Variants in SPTB observed in about 807,000 individuals in gnomAD.
SPTB encodes spectrin beta, erythrocytic.
SPTB carries 45 observed loss-of-function variants against 256.2 expected under a neutral mutation model. That is an observed-to-expected ratio of 0.18 (90% CI 0.14 to 0.23). The LOEUF is 0.23. Ranked by LOEUF, SPTB falls within the 10% of genes least tolerant of loss-of-function variation. The probability of loss-of-function intolerance (pLI) is 1.00; values close to 1 mark genes in which losing one functional copy is unlikely to be tolerated. For missense variants in SPTB, 2,715 were observed against 3,040.4 expected (o/e 0.89, Z 2.52); for synonymous variants, 1,231 against 1,243.1 (o/e 0.99, Z 0.21).
Position 64,793,653 on chromosome 14 carries a change from G to T in SPTB, c.2010C>A (p.Thr670=). Residue 670 remains threonine, a synonymous_variant, in exon 14 of 36, where the codon ACC becomes ACA. Coordinates refer to ENST00000644917, the MANE Select transcript of SPTB (RefSeq NM_001355436.2). This position sits in a 1 kb window ranked among gnomAD's most constrained non-coding sequence, Gnocchi z 7.0. The part of the protein sequence containing the change: ...YSSLDYGKDL[T]SVLILQRKHK... Reference sequence around the variant, plus strand: ...GCTTGCGCTGTAAGATGAGCACACTGGTCAGGTCTTTGCCATAGTCCAGGG... The same window carrying T: ...GCTTGCGCTGTAAGATGAGCACACTTGTCAGGTCTTTGCCATAGTCCAGGG... The T allele has an allele frequency of 6.2e-7, 1 of 1,614,190 alleles. No individual in the cohort carries two copies. The highest frequency in any genetic ancestry group is 1.1e-5 in the South Asian group (1 of 91,088).
At chr14:64,821,544 A>G (rs751172432) in intron 2 of SPTB, among the ~76,000 whole-genome samples, 1 of 151,990 alleles carries the variant, frequency 6.6e-6, no homozygotes, top group Non-Finnish European at 1.5e-5. Flanking sequence ...AGATCCAGCC[A>G]GCACAGAGAT....
At chr14:64,857,577 CAAAAAAA>C (rs34021718) in intron 1 of SPTB, among the ~76,000 whole-genome samples, 41 of 61,364 alleles carry the variant, frequency 6.7e-4, no homozygotes, top group African/African-American at 2.4e-3. Context: ...GACACTGCCT[CAAAAAAA>C]AAAAAAAAAA....
chr14:64,828,847 G>A (rs1157973702), intron 1 of SPTB, among the ~76,000 whole-genome samples: 1 of 152,204 alleles, frequency 6.6e-6, no homozygotes, highest in Non-Finnish European at 1.5e-5. Flanking sequence ...CAGGAGGTAG[G>A]TAGAGGTCTC....
Position 64,787,024 on chromosome 14 carries a change from T to C in SPTB, c.2941A>G (p.Lys981Glu). 2 of 1,614,126 alleles carry C rather than the reference T, an allele frequency of 1.2e-6. No individual in the cohort carries two copies. The highest frequency in any genetic ancestry group is 1.3e-5 in the African/African-American group (1 of 75,036). Reference protein sequence around the residue: ...TDKTKVVESTKDLGRDLAGII... With the variant: ...TDKTKVVESTEDLGRDLAGII... ...CCTGCCAGGTCCCGCCCCAGGTCTTTTGTGGACTCCACTACCTTTGTCTTG... is the reference window on the plus strand; with the variant it reads ...CCTGCCAGGTCCCGCCCCAGGTCTTCTGTGGACTCCACTACCTTTGTCTTG... Residue 981 changes from lysine to glutamate, a missense_variant, in exon 16 of 36, where the codon AAA (lysine) becomes GAA (glutamate). Around this residue, in one of 4 missense-constraint regions of SPTB, gnomAD observed 2,239 missense variants for 2,384.4 expected, o/e 0.94. Coordinates refer to ENST00000644917, the MANE Select transcript of SPTB (RefSeq NM_001355436.2).
rs2083393888 is a variant in SPTB, at chr14:64,827,601, C to T, written c.-51-4456G>A. ...CAAAAAAGGAACATCCTTCCTCTCC[C>T]TCTGATCATAATCGCATTGCACATT... On this transcript the variant is annotated intron_variant, in intron 1 of 35. Coordinates refer to ENST00000644917, the MANE Select transcript of SPTB (RefSeq NM_001355436.2). This position sits in a 1 kb window ranked among gnomAD's most constrained non-coding sequence, Gnocchi z 4.6. Among the ~76,000 whole-genome samples, 1 of 152,182 alleles carries T rather than the reference C, an allele frequency of 6.6e-6. No individual in the cohort carries two copies. The highest frequency in any genetic ancestry group is 6.5e-5 in the Admixed American group (1 of 15,276).
intron 1 of SPTB, among the ~76,000 whole-genome samples, chr14:64,830,092 T>C (rs954073879): frequency 1.3e-5 from 2 of 152,148 alleles, no homozygotes; most frequent in Non-Finnish European, 2.9e-5. Context: ...TTAGCCTCAG[T>C]CTTTTTGACA....
intron 32 of SPTB, among the ~76,000 whole-genome samples, chr14:64,765,747 C>A (rs1010017689): frequency 6.6e-6 from 1 of 151,846 alleles, no homozygotes; most frequent in African/African-American, 2.4e-5. Context: ...GGCACCCCCA[C>A]TTCACCACTG....
At chr14:64,837,995 G>A (rs1022106029) in intron 1 of SPTB, among the ~76,000 whole-genome samples, 2 of 152,186 alleles carry the variant, frequency 1.3e-5, no homozygotes, top group Non-Finnish European at 2.9e-5. Flanking sequence ...CAAAACTGGA[G>A]GACTTACATT....
At chr14:64,765,945 TGA>T (rs1175963084) in intron 32 of SPTB, among the ~76,000 whole-genome samples, 6 of 148,892 alleles carry the variant, frequency 4.0e-5, no homozygotes, top group South Asian at 2.1e-4. Flanking sequence ...TGTGTGGGTG[TGA>T]GTGTGTGGAT....
chr14:64,861,514 C>G lies in SPTB; in HGVS notation c.-52+18278G>C, dbSNP rs112371289. On this transcript the variant is annotated intron_variant, in intron 1 of 35. Transcript: ENST00000644917. ...GTGGCTGCACTGACCGGCTCCCCCA[C>G]CCACTTGATGCTTTCCAGCCTCCCA... Among the ~76,000 whole-genome samples, 179 of 151,990 alleles carry G rather than the reference C, an allele frequency of 1.2e-3. 1 individual carries two copies. The highest frequency in any genetic ancestry group is 4.2e-3 in the African/African-American group (175 of 41,548).
chr14:64,801,169 C>T, intron 7 of SPTB, 116 bp downstream of exon 7: 2 of 863,166 alleles, frequency 2.3e-6, no homozygotes, highest in Non-Finnish European at 3.7e-6. Context: ...ACTGTGCCCA[C>T]AGCTTGCCCA....
intron 18 of SPTB, among the ~76,000 whole-genome samples, chr14:64,784,837 C>A (rs1350408765): frequency 6.6e-6 from 1 of 152,156 alleles, no homozygotes; most frequent in African/African-American, 2.4e-5. Context: ...GTTGTCTGGG[C>A]TGAGAGAAAA....
At chr14:64,794,352 G>A in intron 13 of SPTB, 115 bp downstream of exon 13, 3 of 1,385,786 alleles carry the variant, frequency 2.2e-6, no homozygotes, top group Non-Finnish European at 3.0e-6. Flanking sequence ...ATTACTTGAT[G>A]AAAGTAACAG....
rs2082081534 is a variant in SPTB at position 64,760,753 on chromosome 14, C to T, written c.6345+5973G>A. On this transcript the variant is annotated intron_variant, in intron 32 of 35. Coordinates refer to ENST00000644917, the MANE Select transcript of SPTB (RefSeq NM_001355436.2). The surrounding 1 kb of genome is among the most constrained non-coding windows in gnomAD (Gnocchi z 4.3). Reference sequence around the variant, plus strand: ...CATTGTCTCTTCCAATCCTCCCAGCCTCTCTGTAAGGCAGGTACTGTTATT... The same window carrying T: ...CATTGTCTCTTCCAATCCTCCCAGCTTCTCTGTAAGGCAGGTACTGTTATT... Among the ~76,000 whole-genome samples, 1 of 152,188 alleles carries T rather than the reference C, an allele frequency of 6.6e-6. No individual in the cohort carries two copies. Among genetic ancestry groups the T allele is most frequent in the African/African-American group, 2.4e-5 (1 of 41,436 alleles).
At position 64,782,509 on chromosome 14, in the gene SPTB, C is replaced by T. The variant is rs754552634; in HGVS notation, c.4047G>A (p.Leu1349=). 1 of 1,614,054 alleles carries T rather than the reference C, an allele frequency of 6.2e-7. No homozygotes were observed. The highest frequency in any genetic ancestry group is 1.3e-5 in the African/African-American group (1 of 75,024). Residue 1349 remains leucine, a synonymous_variant, in exon 20 of 36, where the codon CTG becomes CTA. Coordinates refer to ENST00000644917, the MANE Select transcript of SPTB (RefSeq NM_001355436.2). ...LMDEKPQFTA[L]VSQKLEALHR... ...GCAGGGCTTCCAGCTTTTGGGACAC[C>T]AGGGCTGTAAACTGGGGCTTCTCAT...
intron 20 of SPTB, 92 bp from the exon 21 acceptor site, chr14:64,780,023 A>G (rs906584473): frequency 8.5e-7 from 1 of 1,173,926 alleles, no homozygotes; most frequent in Non-Finnish European, 1.3e-6. Context: ...CCATCCTTTA[A>G]GGCCCAATTT....
At chr14:64,864,461 A>G (rs1882039068) in intron 1 of SPTB, among the ~76,000 whole-genome samples, 1 of 152,176 alleles carries the variant, frequency 6.6e-6, no homozygotes. Context: ...AAACAGAAAA[A>G]TGAAAGAGGT....
Position 64,845,875 on chromosome 14 carries a change from C to T in SPTB, c.-51-22730G>A, listed in dbSNP as rs1032054140. Among the ~76,000 whole-genome samples, 9 of 150,482 alleles carry T rather than the reference C, an allele frequency of 6.0e-5. No homozygotes were observed. The highest frequency in any genetic ancestry group is 2.0e-4 in the Admixed American group (3 of 15,190). On this transcript the variant is annotated intron_variant, in intron 1 of 35. Coordinates refer to ENST00000644917, the MANE Select transcript of SPTB (RefSeq NM_001355436.2). This position sits in a 1 kb window ranked among gnomAD's most constrained non-coding sequence, Gnocchi z 4.8. Reference sequence around the variant, plus strand: ...TTATGAAACACATTTCATGGTCAGGCATTTTGGGCCAATATTGACTTTCCA... The same window carrying T: ...TTATGAAACACATTTCATGGTCAGGTATTTTGGGCCAATATTGACTTTCCA...
In SPTB at chr14:64,786,673, G is replaced by T. The variant is rs138439282; in HGVS notation, c.3292C>A (p.Gln1098Lys). The change falls in exon 16 of 36, where the codon CAG (glutamine) becomes AAG (lysine). Residue 1098 changes from glutamine to lysine, a missense_variant. Transcript: ENST00000644917. The surrounding 1 kb of genome is among the most constrained non-coding windows in gnomAD (Gnocchi z 5.6). Reference protein sequence around the residue: ...DMPESLPEAEQLLQQHAGIKD... With the variant: ...DMPESLPEAEKLLQQHAGIKD... ...ATACCTGCATGCTGCTGCAGGAGCT[G>T]CTCAGCCTCTGGGAGGGATTCGGGC... The T allele has an allele frequency of 6.8e-5, 110 of 1,614,114 alleles. No individual in the cohort carries two copies. The highest frequency in any genetic ancestry group is 8.3e-5 in the Non-Finnish European group (98 of 1,179,986).
Sources: gnomAD v4.1 joint callset for allele counts (sites outside exome capture counted in the v4.1 genomes callset) on GRCh38, gnomAD v4.1.1 for gene constraint, gnomAD v4.1.1 regional missense constraint, Gnocchi (gnomAD v3.1) non-coding constraint, MANE v1.5 for transcripts, NCBI Gene and HGNC (gene_info 2026-07-23, HGNC 2026-07-21) for gene names.